Variants in CNBD1 observed in about 807,000 individuals in gnomAD.
The protein encoded by CNBD1 is cyclic nucleotide-binding domain-containing protein 1.
Under a neutral mutation model 54.4 loss-of-function variants are expected in CNBD1, and 71 were observed. The observed-to-expected ratio is 1.30, with a 90% CI of 1.08 to 1.59. The LOEUF (loss-of-function observed/expected upper bound fraction) is 1.59, where lower values mean the gene tolerates loss of function less well. Ranked by LOEUF, CNBD1 falls within the 40% of genes most tolerant of loss-of-function variation. CNBD1 has a pLI of 0.00. For synonymous variants in CNBD1, 182 were observed against 170.7 expected (o/e 1.07, Z -0.51); for missense variants, 659 against 518.0 (o/e 1.27, Z -2.64).
intron 6 of CNBD1, among the ~76,000 whole-genome samples, chr8:87,266,866 T>A (rs981495785): frequency 1.3e-5 from 2 of 152,106 alleles, no homozygotes; most frequent in African/African-American, 4.8e-5. Flanking sequence ...GCATGCCTAC[T>A]TTACACCATT....
chr8:87,399,900 A>G (rs557329399), intron 2 of CNBD1, among the ~76,000 whole-genome samples: 26 of 152,100 alleles, frequency 1.7e-4, no homozygotes, highest in African/African-American at 5.8e-4. Flanking sequence ...GATCTTTCCC[A>G]GGCACATTTT....
intron 5 of CNBD1, among the ~76,000 whole-genome samples, chr8:87,217,282 G>A (rs1020713124): frequency 1.3e-5 from 2 of 152,040 alleles, no homozygotes; most frequent in Admixed American, 1.3e-4. Flanking sequence ...CTAATAAGAT[G>A]TATTGGCTAA....
chr8:86,981,013 G>A (rs1808474462), intron 4 of CNBD1, among the ~76,000 whole-genome samples: 1 of 152,198 alleles, frequency 6.6e-6, no homozygotes, highest in East Asian at 1.9e-4. Flanking sequence ...CAAGAGGGGT[G>A]TGGTTATAGC....
chr8:87,209,932 A>G (rs539170642), intron 5 of CNBD1, among the ~76,000 whole-genome samples: 2 of 152,164 alleles, frequency 1.3e-5, no homozygotes, highest in Non-Finnish European at 2.9e-5. Flanking sequence ...AGGTGGAGGT[A>G]ACTAAATCAT....
At chr8:87,245,159 G>C (rs1807779242) in intron 6 of CNBD1, among the ~76,000 whole-genome samples, 1 of 151,952 alleles carries the variant, frequency 6.6e-6, no homozygotes, top group Admixed American at 6.6e-5. Flanking sequence ...ACAACATGTA[G>C]TTGCCTTTTG....
chr8:87,054,728 G>A (rs968118471), intron 4 of CNBD1, among the ~76,000 whole-genome samples: 4 of 152,212 alleles, frequency 2.6e-5, no homozygotes, highest in Admixed American at 6.5e-5. Flanking sequence ...AGGTTACACC[G>A]AAGTGTAGCC....
At chr8:86,869,789 C>T (rs1328056629) in intron 1 of CNBD1, among the ~76,000 whole-genome samples, 1 of 151,908 alleles carries the variant, frequency 6.6e-6, no homozygotes, top group African/African-American at 2.4e-5. Flanking sequence ...ACACACATGA[C>T]CCATTATTTT....
intron 4 of CNBD1, among the ~76,000 whole-genome samples, chr8:87,072,013 A>T (rs925965250): frequency 1.3e-5 from 2 of 152,110 alleles, no homozygotes; most frequent in Admixed American, 6.5e-5. Context: ...GGGCATATAT[A>T]TTTAGGACAC....
intron 10 of CNBD1, among the ~76,000 whole-genome samples, chr8:87,376,643 A>G (rs1208198209): frequency 6.6e-6 from 1 of 151,980 alleles, no homozygotes; most frequent in African/African-American, 2.4e-5. Flanking sequence ...GAAATCTTTA[A>G]TAGCTAAAGC....
rs1811109294 is a variant in CNBD1 at position 87,382,817 on chromosome 8, G to A, written c.*190G>A. On this transcript the variant is annotated 3_prime_UTR_variant, in exon 11 of 11. Transcript: ENST00000518476. ...ACAGTTTTTATTAGCAGTCTTTCTT[G>A]GTTTGGATACTAAAATAAATATAGT... The A allele has an allele frequency of 2.2e-6, 1 of 446,404 alleles. No individual in the cohort carries two copies. Among genetic ancestry groups the A allele is most frequent in the Non-Finnish European group, 4.0e-6 (1 of 248,846 alleles). The allele number at this position is 446,404 out of a possible 1,614,324, so 27.7% of individuals were successfully genotyped here. A position where few individuals can be genotyped will look rare whatever the true frequency, so the allele number is the denominator to read the frequency against.
intron 2 of CNBD1, among the ~76,000 whole-genome samples, chr8:87,416,490 A>G (rs1031129121): frequency 2.0e-5 from 3 of 151,972 alleles, no homozygotes; most frequent in African/African-American, 7.2e-5. Flanking sequence ...CTTGAAAAAC[A>G]ACGGCTCCAA....
chr8:87,394,198 G>A (rs1381793253), intron 2 of CNBD1, among the ~76,000 whole-genome samples: 3 of 151,778 alleles, frequency 2.0e-5, no homozygotes, highest in South Asian at 4.1e-4. Context: ...TTGCCTTAAA[G>A]CATTACAACC....
intron 4 of CNBD1, among the ~76,000 whole-genome samples, chr8:87,038,904 C>A (rs997474632): frequency 2.6e-5 from 4 of 152,156 alleles, no homozygotes; most frequent in African/African-American, 9.7e-5. Flanking sequence ...TCCACCATTG[C>A]CTTCAGTGAT....
intron 4 of CNBD1, among the ~76,000 whole-genome samples, chr8:87,020,777 C>T (rs1471066711): frequency 2.0e-5 from 3 of 152,162 alleles, no homozygotes; most frequent in African/African-American, 4.8e-5. Context: ...ATCCCCTTGC[C>T]CCTTTGTTTT....
chr8:87,144,153 T>C (rs1223879714), intron 4 of CNBD1, among the ~76,000 whole-genome samples: 2 of 152,242 alleles, frequency 1.3e-5, no homozygotes, highest in African/African-American at 4.8e-5. Context: ...TTGAAATTCC[T>C]ACGTTAAGCT....
At chr8:87,186,686 T>A (rs1813482328) in intron 4 of CNBD1, among the ~76,000 whole-genome samples, 1 of 152,122 alleles carries the variant, frequency 6.6e-6, no homozygotes, top group South Asian at 2.1e-4. Flanking sequence ...ATTTTAAATT[T>A]CTTTTTGAAT....
intron 4 of CNBD1, among the ~76,000 whole-genome samples, chr8:87,117,965 G>A (rs1811808212): frequency 6.6e-6 from 1 of 152,028 alleles, no homozygotes; most frequent in South Asian, 2.1e-4. Flanking sequence ...ATATTCTGGG[G>A]TAAAGACAAT....
At position 87,024,065 on chromosome 8, in the gene CNBD1, G is replaced by A. The variant is rs903607980; in HGVS notation, c.431+84311G>A. Among the ~76,000 whole-genome samples the A allele has an allele frequency of 5.3e-5, 8 of 151,274 alleles. No individual in the cohort carries two copies. In the South Asian group the frequency reaches 6.3e-4, roughly 12 times the overall value. On this transcript the variant is annotated intron_variant, in intron 4 of 10. Coordinates refer to ENST00000518476, the MANE Select transcript of CNBD1 (RefSeq NM_173538.3). ...ATCCTGGCTAACACGGTGAAACCCC[G>A]TCTCTACTAAAAATTAAAAAAAAAT...
chr8:87,079,084 T>G (rs908574909), intron 4 of CNBD1, among the ~76,000 whole-genome samples: 12 of 152,098 alleles, frequency 7.9e-5, no homozygotes, highest in Non-Finnish European at 1.6e-4. Context: ...GTTTCCAATT[T>G]TAAGACATTC....
Sources: allele counts gnomAD v4.1 joint callset (sites outside exome capture counted in the v4.1 genomes callset), GRCh38; gene constraint gnomAD v4.1.1; transcripts MANE v1.5; gene names NCBI Gene and HGNC (gene_info 2026-07-23, HGNC 2026-07-21).